Variants in STK33 observed in about 807,000 individuals in gnomAD.
STK33 encodes serine/threonine-protein kinase 33.
STK33 carries 52 observed loss-of-function variants against 58.0 expected under a neutral mutation model. That is an observed-to-expected ratio of 0.90 (90% confidence interval 0.72 to 1.13). The LOEUF is 1.13. Among genes scored for constraint, STK33 ranks in the 50% most tolerant of loss-of-function variants. The pLI is 0.00. For missense variants in STK33, 630 were observed against 604.2 expected (o/e 1.04, Z -0.45); for synonymous variants, 215 against 200.1 (o/e 1.07, Z -0.63).
At chr11:8,469,091 T>A (rs559983157) in intron 6 of STK33, among the ~76,000 whole-genome samples, 36 of 152,270 alleles carry the variant, frequency 2.4e-4, no homozygotes, top group Middle Eastern at 6.8e-3. Context: ...GCTGTGACAA[T>A]TTCTAAAAAT....
At chr11:8,542,028 T>G (rs562947686) in intron 1 of STK33, among the ~76,000 whole-genome samples, 2 of 152,288 alleles carry the variant, frequency 1.3e-5, no homozygotes, top group East Asian at 3.9e-4. Context: ...TACAGAGCCT[T>G]TAAAACAAAA....
chr11:8,366,966 G>T, the STK33 span, among the ~76,000 whole-genome samples: 1 of 152,164 alleles, frequency 6.6e-6, no homozygotes, highest in East Asian at 1.9e-4. Context: ...GTGTGTGTGT[G>T]TGAGCACACA....
At chr11:8,408,271 G>C (rs999870002) in intron 15 of STK33, among the ~76,000 whole-genome samples, 3 of 152,132 alleles carry the variant, frequency 2.0e-5, no homozygotes, top group African/African-American at 7.2e-5. Flanking sequence ...CAACACAATG[G>C]GTTGGTTCTC....
At chr11:8,485,606 T>C (rs985796296) in intron 1 of STK33, among the ~76,000 whole-genome samples, 2 of 152,210 alleles carry the variant, frequency 1.3e-5, no homozygotes, top group Admixed American at 6.5e-5. Context: ...TTTATGCTTA[T>C]AACAGAAAAG....
intron 1 of STK33, among the ~76,000 whole-genome samples, chr11:8,501,850 C>A (rs529344346): frequency 6.6e-6 from 1 of 152,158 alleles, no homozygotes; most frequent in Non-Finnish European, 1.5e-5. Flanking sequence ...TATATACATA[C>A]AATAGAGTAT....
At chr11:8,379,604 T>C in the STK33 span, among the ~76,000 whole-genome samples, 6 of 152,294 alleles carry the variant, frequency 3.9e-5, no homozygotes, top group African/African-American at 1.2e-4. Flanking sequence ...ACCACATTAC[T>C]CTTGAAGAAT....
chr11:8,577,664 T>C (rs1958283767), intron 1 of STK33, among the ~76,000 whole-genome samples: 1 of 152,118 alleles, frequency 6.6e-6, no homozygotes, highest in Non-Finnish European at 1.5e-5. Flanking sequence ...AATATTAACA[T>C]TTATTTTCAT....
chr11:8,570,801 T>G (rs1352771729), intron 1 of STK33, among the ~76,000 whole-genome samples: 1 of 152,160 alleles, frequency 6.6e-6, no homozygotes, highest in Non-Finnish European at 1.5e-5. Context: ...GGCAGTTTCA[T>G]GGATGTGCAC....
chr11:8,558,968 T>C (rs534252534), intron 1 of STK33, among the ~76,000 whole-genome samples: 2 of 152,278 alleles, frequency 1.3e-5, no homozygotes, highest in Admixed American at 1.3e-4. Context: ...TTGAGCCCAA[T>C]GAAATCACAA....
chr11:8,471,257 T>C (rs1157591735), intron 6 of STK33, among the ~76,000 whole-genome samples: 1 of 152,202 alleles, frequency 6.6e-6, no homozygotes, highest in Non-Finnish European at 1.5e-5. Flanking sequence ...ACTGTTTAAA[T>C]AGGAATTCTA....
At chr11:8,413,775 C>T in intron 14 of STK33, 83 bp from the exon 15 acceptor site, 1 of 1,225,972 alleles carries the variant, frequency 8.2e-7, no homozygotes, top group Non-Finnish European at 1.2e-6. Flanking sequence ...AGACAGTCTC[C>T]CAAATTCAGT....
chr11:8,560,009 T>C (rs918250416), intron 1 of STK33, among the ~76,000 whole-genome samples: 5 of 152,148 alleles, frequency 3.3e-5, no homozygotes, highest in African/African-American at 4.8e-5. Flanking sequence ...TTCCAATATA[T>C]ATAAGCATTC....
At chr11:8,523,390 G>A (rs1355492000) in intron 1 of STK33, among the ~76,000 whole-genome samples, 24 of 150,854 alleles carry the variant, frequency 1.6e-4, no homozygotes, top group African/African-American at 4.9e-4. Context: ...TGTGGGAAGC[G>A]CCTCTGCCCA....
At chr11:8,592,752 C>T (rs1310480766) in intron 1 of STK33, among the ~76,000 whole-genome samples, 2 of 152,014 alleles carry the variant, frequency 1.3e-5, no homozygotes, top group African/African-American at 4.8e-5. Flanking sequence ...TTTTTGGCCA[C>T]ATTAAGAGTT....
At chr11:8,566,771 T>C (rs1957471878) in intron 1 of STK33, among the ~76,000 whole-genome samples, 2 of 152,228 alleles carry the variant, frequency 1.3e-5, no homozygotes, top group Non-Finnish European at 2.9e-5. Flanking sequence ...AATATTTATA[T>C]TGCCAAGTGA....
At chr11:8,413,744 C>A in intron 14 of STK33, 52 bp from the exon 15 acceptor site, 3 of 1,488,650 alleles carry the variant, frequency 2.0e-6, no homozygotes, top group Non-Finnish European at 1.9e-6. Flanking sequence ...AGAATTGAGA[C>A]GATACCTACA....
At chr11:8,478,552 TTTACATA>T (rs1949496301) in intron 2 of STK33, among the ~76,000 whole-genome samples, 1 of 152,008 alleles carries the variant, frequency 6.6e-6, no homozygotes, top group Non-Finnish European at 1.5e-5. Flanking sequence ...AAAAAGGTCT[TTTACATA>T]TTGGCCCTAG....
the STK33 span, among the ~76,000 whole-genome samples, chr11:8,370,084 G>T: frequency 0.01 from 1,570 of 152,314 alleles, 25 homozygotes; most frequent in African/African-American, 0.034. Flanking sequence ...CCGTCTGAGG[G>T]GCCACCTGCC....
the STK33 span, among the ~76,000 whole-genome samples, chr11:8,340,828 A>C: frequency 6.6e-6 from 1 of 152,126 alleles, no homozygotes; most frequent in Non-Finnish European, 1.5e-5. Flanking sequence ...CCCAGGTCAA[A>C]CTTTGAGGGG....
Sources: allele counts gnomAD v4.1 joint callset (sites outside exome capture counted in the v4.1 genomes callset), GRCh38; gene constraint gnomAD v4.1.1; transcripts MANE v1.5; gene names NCBI Gene and HGNC (gene_info 2026-07-23, HGNC 2026-07-21).